Variants in NDST3 observed in about 807,000 individuals in gnomAD.
NDST3 encodes bifunctional heparan sulfate N-deacetylase/N-sulfotransferase 3.
Under a neutral mutation model 96.1 loss-of-function variants are expected in NDST3, and 58 were observed. The ratio of observed to expected loss-of-function variants is 0.60; its 90% CI spans 0.49 to 0.75. The LOEUF is 0.75. Ranked by LOEUF, NDST3 falls within the 30% of genes least tolerant of loss-of-function variation. The pLI, the probability that NDST3 is intolerant of heterozygous loss-of-function variation, is 0.00. For synonymous variants in NDST3, 333 were observed against 359.7 expected (o/e 0.93, Z 0.84); for missense variants, 788 against 1,034.2 (o/e 0.76, Z 3.27).
chr4:118,077,123 G>T (rs966851065), intron 2 of NDST3, among the ~76,000 whole-genome samples: 4 of 152,198 alleles, frequency 2.6e-5, no homozygotes, highest in African/African-American at 9.7e-5. Context: ...CCTTGGCTTT[G>T]TTATCTGGCC....
chr4:118,134,385 G>C (rs1578702833), intron 4 of NDST3, among the ~76,000 whole-genome samples: 1 of 152,180 alleles, frequency 6.6e-6, no homozygotes, highest in South Asian at 2.1e-4. Flanking sequence ...AATCATATTT[G>C]TATCTTTTAA....
intron 9 of NDST3, among the ~76,000 whole-genome samples, chr4:118,236,035 T>TAAA (rs538072229): frequency 2.0e-5 from 3 of 150,868 alleles, no homozygotes; most frequent in South Asian, 2.1e-4. Context: ...CAAGACACTG[T>TAAA]AAAAAAAAAC....
At chr4:118,218,267 G>C (rs1345480971) in intron 6 of NDST3, among the ~76,000 whole-genome samples, 2 of 152,136 alleles carry the variant, frequency 1.3e-5, no homozygotes, top group East Asian at 3.8e-4. Context: ...CAATATCCCT[G>C]ATGAACATCG....
intron 6 of NDST3, among the ~76,000 whole-genome samples, chr4:118,160,102 C>T (rs1487051243): frequency 6.6e-6 from 1 of 151,998 alleles, no homozygotes; most frequent in Non-Finnish European, 1.5e-5. Context: ...CAAAGATAAC[C>T]ACACCAGAAA....
At chr4:118,128,839 G>A (rs778385411) in intron 4 of NDST3, among the ~76,000 whole-genome samples, 12 of 151,768 alleles carry the variant, frequency 7.9e-5, no homozygotes, top group South Asian at 2.1e-4. Flanking sequence ...ACTGGGAGAC[G>A]TTTTATTATG....
chr4:118,098,363 A>G (rs1475439637), intron 2 of NDST3, among the ~76,000 whole-genome samples: 5 of 151,984 alleles, frequency 3.3e-5, no homozygotes, highest in Non-Finnish European at 5.9e-5. Context: ...AAAATAATGA[A>G]CTATTTTTAA....
intron 10 of NDST3, among the ~76,000 whole-genome samples, chr4:118,239,142 A>G (rs1176419256): frequency 6.6e-6 from 1 of 152,244 alleles, no homozygotes; most frequent in Non-Finnish European, 1.5e-5. Flanking sequence ...GATCCTCCCT[A>G]CAAGAGTGGG....
chr4:118,133,950 T>C (rs1203285071), intron 4 of NDST3, among the ~76,000 whole-genome samples: 2 of 152,192 alleles, frequency 1.3e-5, no homozygotes, highest in African/African-American at 4.8e-5. Flanking sequence ...AGAGAGATAT[T>C]ACATAAATGT....
intron 6 of NDST3, among the ~76,000 whole-genome samples, chr4:118,162,171 C>T (rs1439746471): frequency 1.3e-5 from 2 of 152,146 alleles, no homozygotes; most frequent in Non-Finnish European, 2.9e-5. Context: ...AATGGCCATA[C>T]TGCCCAAGGT....
At chr4:118,178,694 T>C (rs899072954) in intron 6 of NDST3, among the ~76,000 whole-genome samples, 8 of 152,078 alleles carry the variant, frequency 5.3e-5, no homozygotes, top group African/African-American at 1.9e-4. Flanking sequence ...TTTAGGTATA[T>C]ACCCAGAAGC....
intron 4 of NDST3, among the ~76,000 whole-genome samples, chr4:118,126,851 T>C (rs1732139753): frequency 6.6e-6 from 1 of 151,942 alleles, no homozygotes; most frequent in Non-Finnish European, 1.5e-5. Flanking sequence ...CTCTCCAGCA[T>C]TTGTTGTTGC....
chr4:118,086,063 T>C (rs1578609010), intron 2 of NDST3, among the ~76,000 whole-genome samples: 1 of 152,182 alleles, frequency 6.6e-6, no homozygotes, highest in East Asian at 1.9e-4. Context: ...AGGCAGTGAG[T>C]AGGTCTTTAT....
intron 2 of NDST3, among the ~76,000 whole-genome samples, chr4:118,060,136 GGAATGGAA>G (rs1461564468): frequency 6.6e-6 from 1 of 151,778 alleles, no homozygotes; most frequent in African/African-American, 2.4e-5. Context: ...GGGGGGTGAG[GGAATGGAA>G]TGGTATCCCT....
At chr4:118,041,553 A>C (rs966115122) in intron 1 of NDST3, among the ~76,000 whole-genome samples, 1 of 152,182 alleles carries the variant, frequency 6.6e-6, no homozygotes, top group Admixed American at 6.5e-5. Flanking sequence ...CATAGTCCTC[A>C]TCATAGGTTG....
At chr4:118,149,112 A>G (rs934571776) in intron 6 of NDST3, among the ~76,000 whole-genome samples, 3 of 152,096 alleles carry the variant, frequency 2.0e-5, no homozygotes, top group Non-Finnish European at 4.4e-5. Context: ...CCATTGATCT[A>G]TATCTGTGTT....
Position 118,242,101 on chromosome 4 carries a change from A to C in NDST3, c.2351A>C (p.Gln784Pro). 6.2e-7 allele frequency: 1 copy of C among 1,613,186 alleles called. No homozygotes were observed. The highest frequency in any genetic ancestry group is 1.3e-5 in the African/African-American group (1 of 75,024). The change falls in exon 12 of 14, where the codon CAG (glutamine) becomes CCG (proline). Residue 784 changes from glutamine to proline, a missense_variant. Physicochemically the swap from Gln to Pro is moderately conservative, Grantham distance 76 (BLOSUM62 -1). Coordinates refer to ENST00000296499, the MANE Select transcript of NDST3 (RefSeq NM_004784.3). ...CCTGCTACAGTGATGGATGAAGTAC[A>C]GAAGTTTCTAGGAGTCTTGCCTCAT... ...TDPATVMDEV[Q>P]KFLGVLPHYN...
chr4:118,169,701 C>A (rs2125935602), intron 6 of NDST3, among the ~76,000 whole-genome samples: 1 of 150,274 alleles, frequency 6.7e-6, no homozygotes, highest in Admixed American at 6.7e-5. Context: ...GGCTGAGGCA[C>A]AAGAATCGCT....
Position 118,161,551 on chromosome 4 carries a change from T to C in NDST3, c.1539+17867T>C, listed in dbSNP as rs570677693. Among the ~76,000 whole-genome samples the C allele has an allele frequency of 5.3e-5, 8 of 152,292 alleles. No individual in the cohort carries two copies. The South Asian group carries it at 1.7e-3, about 32-fold the overall frequency. On this transcript the variant is annotated intron_variant, in intron 6 of 13. Coordinates refer to ENST00000296499, the MANE Select transcript of NDST3 (RefSeq NM_004784.3). ...CAGTTCGAGTTTCCCAGATGCTTTGTTTACCTAAGCAAGCCTGGGCGATGG... is the reference window on the plus strand; with the variant it reads ...CAGTTCGAGTTTCCCAGATGCTTTGCTTACCTAAGCAAGCCTGGGCGATGG...
At chr4:118,106,698 G>A (rs1056885665) in intron 3 of NDST3, among the ~76,000 whole-genome samples, 1 of 152,010 alleles carries the variant, frequency 6.6e-6, no homozygotes, top group Non-Finnish European at 1.5e-5. Flanking sequence ...GACTTAGATG[G>A]GAGGATAACT....
Sources: gnomAD v4.1 joint callset for allele counts (sites outside exome capture counted in the v4.1 genomes callset) on GRCh38, gnomAD v4.1.1 for gene constraint, MANE v1.5 for transcripts, NCBI Gene and HGNC (gene_info 2026-07-23, HGNC 2026-07-21) for gene names.